Variants in FMN2 observed in about 807,000 individuals in gnomAD.
The protein encoded by FMN2 is formin 2.
A neutral mutation model predicts 142.3 loss-of-function variants in FMN2; 51 were observed. That is an observed-to-expected ratio of 0.36 (90% CI 0.29 to 0.45). FMN2 has a LOEUF of 0.45. Ranked by LOEUF, FMN2 falls within the 20% of genes least tolerant of loss-of-function variation. The probability of loss-of-function intolerance (pLI) is 1.00; values close to 1 mark genes in which losing one functional copy is unlikely to be tolerated. For synonymous variants in FMN2, 882 were observed against 869.8 expected, an observed-to-expected ratio of 1.01 and a Z score of -0.25; for missense variants, 1,936 against 2,122.8, an observed-to-expected ratio of 0.91 and a Z score of 1.73.
chr1:240,418,001 A>T (rs1003343381), intron 15 of FMN2, among the ~76,000 whole-genome samples: 1 of 151,928 alleles, frequency 6.6e-6, no homozygotes, highest in Non-Finnish European at 1.5e-5. Flanking sequence ...ATAATCCTCT[A>T]TTGATTAATG....
intron 8 of FMN2, among the ~76,000 whole-genome samples, chr1:240,317,781 T>G (rs1670840402): frequency 6.6e-6 from 1 of 152,204 alleles, no homozygotes; most frequent in Non-Finnish European, 1.5e-5. Flanking sequence ...CTGCAATTGT[T>G]GTGTTACAAG....
At chr1:240,285,013 C>T (rs1171935775) in intron 7 of FMN2, among the ~76,000 whole-genome samples, 1 of 152,068 alleles carries the variant, frequency 6.6e-6, no homozygotes, top group African/African-American at 2.4e-5. Context: ...TTGGCTTTTT[C>T]CTCTTCGTTT....
At chr1:240,291,687 A>G (rs953368133) in intron 7 of FMN2, among the ~76,000 whole-genome samples, 8 of 152,200 alleles carry the variant, frequency 5.3e-5, no homozygotes, top group African/African-American at 1.9e-4. Flanking sequence ...CTAATGGTTT[A>G]TCATTCAGGT....
chr1:240,267,690 A>C (rs1668867316), intron 7 of FMN2, among the ~76,000 whole-genome samples: 2 of 152,012 alleles, frequency 1.3e-5, no homozygotes, highest in Non-Finnish European at 2.9e-5. Context: ...AACAAAATGA[A>C]TTTTGCTATA....
intron 7 of FMN2, among the ~76,000 whole-genome samples, chr1:240,285,697 A>G (rs1669566845): frequency 6.6e-6 from 1 of 152,084 alleles, no homozygotes; most frequent in South Asian, 2.1e-4. Flanking sequence ...ATCGGAAGGA[A>G]TTTATAACTG....
rs577566376 is a variant in FMN2 at position 240,471,067 on chromosome 1, C to T, written c.5061-1305C>T. ...CAAGAACATTACCGGTGTCAAATAG[C>T]AGAGCCAGAACTTCATACAGGACTT... On this transcript the variant is annotated intron_variant, in intron 16 of 17. Coordinates refer to ENST00000319653, the MANE Select transcript of FMN2 (RefSeq NM_020066.5). Among the ~76,000 whole-genome samples, 99 of 152,290 alleles carry T rather than the reference C, an allele frequency of 6.5e-4. 1 individual carries two copies. The highest frequency in any genetic ancestry group is 1.9e-3 in the South Asian group (9 of 4,830).
intron 2 of FMN2, among the ~76,000 whole-genome samples, chr1:240,145,836 A>C (rs1663442597): frequency 6.6e-6 from 1 of 152,100 alleles, no homozygotes; most frequent in Non-Finnish European, 1.5e-5. Context: ...TATTCAAAAT[A>C]GATGGCAGCC....
At chr1:240,191,284 G>GA (rs1194674935) in intron 4 of FMN2, among the ~76,000 whole-genome samples, 2 of 152,300 alleles carry the variant, frequency 1.3e-5, no homozygotes, top group Middle Eastern at 3.4e-3. Flanking sequence ...GATATCCCTA[G>GA]AAAAAACACA....
intron 13 of FMN2, among the ~76,000 whole-genome samples, chr1:240,346,890 G>C (rs557346313): frequency 6.6e-6 from 1 of 152,128 alleles, no homozygotes; most frequent in Non-Finnish European, 1.5e-5. Flanking sequence ...CTATGTTTAA[G>C]ACTTTATATA....
chr1:240,344,286 G>T (rs888395084), intron 13 of FMN2, among the ~76,000 whole-genome samples: 1 of 152,166 alleles, frequency 6.6e-6, no homozygotes, highest in African/African-American at 2.4e-5. Context: ...AGAATTTTCT[G>T]TAATCTATGT....
intron 14 of FMN2, among the ~76,000 whole-genome samples, chr1:240,370,133 T>C (rs4659969): frequency 0.7 from 106,309 of 152,052 alleles, 38,958 homozygotes; most frequent in African/African-American, 0.92. Flanking sequence ...AGCGATGTCC[T>C]GAGGAAGTTC....
chr1:240,466,046 G>A (rs1184532249), intron 16 of FMN2, among the ~76,000 whole-genome samples: 3 of 152,174 alleles, frequency 2.0e-5, no homozygotes, highest in African/African-American at 7.2e-5. Flanking sequence ...TGCTGTCGTT[G>A]TTTAAAATAA....
In FMN2 at chr1:240,333,939, T is replaced by G. The variant is rs1237615595; in HGVS notation, c.4637T>G (p.Phe1546Cys). 2 of 1,609,666 alleles carry G rather than the reference T, an allele frequency of 1.2e-6. No homozygotes were observed. The highest frequency in any genetic ancestry group is 1.7e-6 in the Non-Finnish European group (2 of 1,178,034). The change falls in exon 12 of 18, where the codon TTT (phenylalanine) becomes TGT (cysteine). Residue 1546 changes from phenylalanine to cysteine, a missense_variant. Coordinates refer to ENST00000319653, the MANE Select transcript of FMN2 (RefSeq NM_020066.5). ...ATTGTTTCGTATTATCTCCGAAATTTTGATGAGGTAAGACAATTTTTACAT... is the reference window on the plus strand; with the variant it reads ...ATTGTTTCGTATTATCTCCGAAATTGTGATGAGGTAAGACAATTTTTACAT... The part of the protein sequence containing the change: ...SYIVSYYLRN[F>C]DEDAGKEQCL...
chr1:240,326,415 C>T (rs1558434807), intron 8 of FMN2, among the ~76,000 whole-genome samples: 2 of 152,168 alleles, frequency 1.3e-5, no homozygotes, highest in Non-Finnish European at 2.9e-5. Flanking sequence ...GGGAGTGCCT[C>T]TAGAGTACTA....
At chr1:240,195,972 C>T (rs1665895096) in intron 4 of FMN2, among the ~76,000 whole-genome samples, 1 of 152,194 alleles carries the variant, frequency 6.6e-6, no homozygotes, top group African/African-American at 2.4e-5. Context: ...TGTGCCACTG[C>T]ACTCCAGCTG....
intron 14 of FMN2, among the ~76,000 whole-genome samples, chr1:240,390,312 G>A (rs1673562068): frequency 6.6e-6 from 1 of 152,076 alleles, no homozygotes; most frequent in African/African-American, 2.4e-5. Context: ...TTGTGATATG[G>A]CTATTAGGTT....
At chr1:240,410,143 G>C (rs1674343945) in intron 15 of FMN2, among the ~76,000 whole-genome samples, 2 of 134,378 alleles carry the variant, frequency 1.5e-5, no homozygotes, top group South Asian at 5.3e-4. Flanking sequence ...CTGTCTCCCA[G>C]ATAACAGTAC....
chr1:240,332,368 C>CA (rs1553364424), intron 11 of FMN2, among the ~76,000 whole-genome samples: 119 of 94,488 alleles, frequency 1.3e-3, no homozygotes, highest in Admixed American at 4.9e-3. Context: ...GAGCCCTTCT[C>CA]AAAAAAAAAA....
At chr1:240,341,516 A>AC in intron 13 of FMN2, 1 of 152,286 alleles carries the variant, frequency 6.6e-6, no homozygotes, top group African/African-American at 2.4e-5. Context: ...TATGGGCTAA[A>AC]CCTGTCCTCT....
Sources: allele counts gnomAD v4.1 joint callset (sites outside exome capture counted in the v4.1 genomes callset), GRCh38; gene constraint gnomAD v4.1.1; transcripts MANE v1.5; gene names NCBI Gene and HGNC (gene_info 2026-07-23, HGNC 2026-07-21).